DOCK7: variants seen among roughly 807,000 people sequenced by gnomAD.
The protein encoded by DOCK7 is dedicator of cytokinesis 7, also known as dedicator of cytokinesis protein 7.
In DOCK7, 138 loss-of-function variants were observed where a neutral mutation model predicts 271.0. The observed-to-expected ratio is 0.51, with a 90% CI of 0.44 to 0.59. The LOEUF is 0.59. Ranked by LOEUF, DOCK7 falls within the 20% of genes least tolerant of loss-of-function variation. DOCK7 has a pLI of 0.00. For missense variants in DOCK7, 2,066 were observed against 2,592.4 expected (o/e 0.80, Z 4.41); for synonymous variants, 823 against 876.1 (o/e 0.94, Z 1.07).
chr1:62,579,872 C>T (rs775025125), intron 16 of DOCK7, among the ~76,000 whole-genome samples: 1 of 151,844 alleles, frequency 6.6e-6, no homozygotes, highest in Non-Finnish European at 1.5e-5. Context: ...ACTGCATTTG[C>T]CTCAGTTTAG....
chr1:62,552,643 C>T (rs1004395153), intron 22 of DOCK7, 89 bp downstream of exon 22: 4 of 1,308,802 alleles, frequency 3.1e-6, no homozygotes, highest in East Asian at 2.5e-5. Context: ...ACATACATCT[C>T]AAAATTCAGA....
chr1:62,604,545 A>C, intron 14 of DOCK7: 1 of 1,354,630 alleles, frequency 7.4e-7, no homozygotes, highest in African/African-American at 1.4e-5. Context: ...AATATTTATA[A>C]GAAAGGAAGA....
chr1:62,512,370 T>A (rs1644513283), intron 33 of DOCK7, among the ~76,000 whole-genome samples: 1 of 152,194 alleles, frequency 6.6e-6, no homozygotes, highest in Admixed American at 6.5e-5. Context: ...ATGGTTACTA[T>A]AAAGATGATA....
At chr1:62,577,942 A>G (rs1479539238) in intron 17 of DOCK7, among the ~76,000 whole-genome samples, 1 of 149,586 alleles carries the variant, frequency 6.7e-6, no homozygotes, top group Non-Finnish European at 1.5e-5. Context: ...TTTTTTTTTG[A>G]GACAAGAGTC....
At chr1:62,594,467 C>T (rs1356711874) in intron 14 of DOCK7, among the ~76,000 whole-genome samples, 1 of 151,882 alleles carries the variant, frequency 6.6e-6, no homozygotes, top group Non-Finnish European at 1.5e-5. Context: ...AGAAATTGCA[C>T]AAATTTTGCA....
chr1:62,542,050 A>AT (rs1285994413), intron 25 of DOCK7, among the ~76,000 whole-genome samples: 1 of 151,132 alleles, frequency 6.6e-6, no homozygotes, highest in African/African-American at 2.4e-5. Context: ...TTAAAAAAAA[A>AT]TTTTTTTGGT....
chr1:62,614,691 T>C (rs1652227043), intron 14 of DOCK7, among the ~76,000 whole-genome samples: 1 of 151,970 alleles, frequency 6.6e-6, no homozygotes, highest in East Asian at 1.9e-4. Context: ...TTTACACATA[T>C]TTAATCCCCA....
In DOCK7 at chr1:62,513,748, G is replaced by C. The variant is rs1379836118; in HGVS notation, c.4087C>G (p.Leu1363Val). 1.5e-5 allele frequency: 24 copies of C among 1,614,132 alleles called. No individual in the cohort carries two copies. Among genetic ancestry groups the C allele is most frequent in the Non-Finnish European group, 1.9e-5 (22 of 1,179,994 alleles). Residue 1363 changes from leucine to valine, a missense_variant, in exon 32 of 50, where the codon CTT becomes GTT. This residue lies in a region of DOCK7 where 1,414 missense variants were observed against 1,670.4 expected (regional missense o/e 0.85). Coordinates refer to ENST00000635253, the MANE Select transcript of DOCK7 (RefSeq NM_001367561.1). Reference protein sequence around the residue: ...VLQLNRLLDLLYLCVSCFEYK... With the variant: ...VLQLNRLLDLVYLCVSCFEYK... ...TCAAAGCAAGACACACAGAGATAAA[G>C]CAGATCTAATAGCCGGTTTAGCTGC...
chr1:62,513,599 T>C lies in DOCK7; in HGVS notation c.4127A>G (p.Lys1376Arg), dbSNP rs1644565787. ...CAAGCTATTCATTCGTTCAAACACT[T>C]TTTTCCCCTAAAATGTAAACATTAG... ...CVSCFEYKGKKVFERMNSLTF... is the reference protein window; with the variant it reads ...CVSCFEYKGKRVFERMNSLTF... The change falls in exon 33 of 50, where the codon AAA (lysine) becomes AGA (arginine). Residue 1376 changes from lysine to arginine, a missense_variant. Transcript: ENST00000635253. 1 of 1,611,570 alleles carries C rather than the reference T, an allele frequency of 6.2e-7. No individual in the cohort carries two copies. Among genetic ancestry groups the C allele is most frequent in the Non-Finnish European group, 8.5e-7 (1 of 1,179,416 alleles).
chr1:62,623,662 G>A (rs912155343), intron 12 of DOCK7, among the ~76,000 whole-genome samples: 1 of 152,222 alleles, frequency 6.6e-6, no homozygotes, highest in Non-Finnish European at 1.5e-5. Flanking sequence ...TACCTGCAAG[G>A]TTGTGTCACT....
At chr1:62,524,322 T>C (rs1421673115) in intron 31 of DOCK7, among the ~76,000 whole-genome samples, 1 of 152,210 alleles carries the variant, frequency 6.6e-6, no homozygotes, top group African/African-American at 2.4e-5. Context: ...TTACCTGGTA[T>C]AGATTAAGAT....
chr1:62,476,243 A>G, intron 44 of DOCK7, 87 bp from the exon 45 acceptor site: 1 of 906,946 alleles, frequency 1.1e-6, no homozygotes. Flanking sequence ...GAGCAAAATT[A>G]GGAGAATTAG....
intron 14 of DOCK7, among the ~76,000 whole-genome samples, chr1:62,609,797 G>C (rs533882485): frequency 1.3e-5 from 2 of 152,050 alleles, no homozygotes; most frequent in African/African-American, 4.8e-5. Context: ...CTTCTGGGTG[G>C]CTATGTTAAA....
chr1:62,468,808 T>C (rs944522002), intron 48 of DOCK7, among the ~76,000 whole-genome samples: 3 of 151,802 alleles, frequency 2.0e-5, no homozygotes, highest in African/African-American at 7.3e-5. Flanking sequence ...TCAACCCCTT[T>C]TATAATAGTT....
At chr1:62,631,675 A>T (rs1161417842) in intron 10 of DOCK7, among the ~76,000 whole-genome samples, 2 of 152,178 alleles carry the variant, frequency 1.3e-5, no homozygotes. Flanking sequence ...AGTACCAAAC[A>T]TGTATTATGT....
intron 42 of DOCK7, chr1:62,488,157 T>TAGC (rs1212530950): frequency 6.6e-6 from 1 of 152,346 alleles, no homozygotes; most frequent in Non-Finnish European, 1.5e-5. Flanking sequence ...CCTTTGACAC[T>TAGC]AGCAGCAGTA....
intron 7 of DOCK7, among the ~76,000 whole-genome samples, chr1:62,644,157 T>C (rs1310245666): frequency 6.6e-6 from 1 of 152,168 alleles, no homozygotes; most frequent in Non-Finnish European, 1.5e-5. Context: ...AGTGAATTCC[T>C]CTAAAAACAA....
chr1:62,567,860 A>T (rs1646573206), intron 18 of DOCK7, among the ~76,000 whole-genome samples: 1 of 152,080 alleles, frequency 6.6e-6, no homozygotes, highest in Non-Finnish European at 1.5e-5. Flanking sequence ...GCTTTTAAAA[A>T]TTTCTTTAAA....
intron 40 of DOCK7, 97 bp from the exon 41 acceptor site, chr1:62,492,944 G>T (rs1646508115): frequency 2.9e-6 from 3 of 1,026,814 alleles, no homozygotes; most frequent in Admixed American, 2.9e-5. Flanking sequence ...TAACTATCAG[G>T]TTAGGTTAAA....
Sources: allele counts gnomAD v4.1 joint callset (sites outside exome capture counted in the v4.1 genomes callset), GRCh38; gene constraint gnomAD v4.1.1; regional missense constraint gnomAD v4.1.1; transcripts MANE v1.5; gene names NCBI Gene and HGNC (gene_info 2026-07-23, HGNC 2026-07-21).